Variants in GPC1 observed in about 807,000 individuals in gnomAD.
GPC1 encodes glypican 1.
In GPC1, 26 loss-of-function variants were observed where a neutral mutation model predicts 51.5. That is an observed-to-expected ratio of 0.50 (90% CI 0.37 to 0.70). The LOEUF (loss-of-function observed/expected upper bound fraction) is 0.70, where lower values mean the gene tolerates loss of function less well. Among genes scored for constraint, GPC1 ranks in the 30% least tolerant of loss-of-function variants. The pLI is 0.00. For missense variants in GPC1, 775 were observed against 800.5 expected (o/e 0.97, Z 0.38); for synonymous variants, 380 against 348.3 (o/e 1.09, Z -1.01).
At chr2:240,453,524 G>A (rs1203382901) in intron 1 of GPC1, among the ~76,000 whole-genome samples, 2 of 117,402 alleles carry the variant, frequency 1.7e-5, no homozygotes, top group African/African-American at 3.2e-5. Context: ...TCCCCGGGCC[G>A]TCGCAGCCCT....
At position 240,435,982 on chromosome 2, in the gene GPC1, C is replaced by A; in HGVS notation, c.64C>A (p.Arg22Ser). 2 of 1,365,822 alleles carry A rather than the reference C, an allele frequency of 1.5e-6. No homozygotes were observed. The highest frequency in any genetic ancestry group is 1.9e-6 in the Non-Finnish European group (2 of 1,056,120). The allele number at this position is 1,365,822 out of a possible 1,614,324, so 84.6% of individuals were successfully genotyped here. A position where few individuals can be genotyped will look rare whatever the true frequency, so the allele number is the denominator to read the frequency against. ...GGCCGCAGCGCTGGTCGCCTGCGCC[C>A]GCGGGGACCCGGCCAGCAAGAGCCG... The part of the protein sequence containing the change: ...CAAAALVACA[R>S]GDPASKSRSC... Residue 22 changes from arginine to serine, a missense_variant, in exon 1 of 9, where the codon CGC becomes AGC. Arg to Ser is a moderately radical substitution (Grantham distance 110). Coordinates refer to ENST00000264039, the MANE Select transcript of GPC1 (RefSeq NM_002081.3).
chr2:240,452,227 C>CT (rs1423750167), intron 1 of GPC1: 4 of 152,678 alleles, frequency 2.6e-5, no homozygotes, highest in Non-Finnish European at 4.4e-5. Flanking sequence ...CAGCATAGAC[C>CT]TCCCAGGCTG....
intron 1 of GPC1, among the ~76,000 whole-genome samples, chr2:240,437,477 G>A (rs1374746815): frequency 6.6e-6 from 1 of 152,172 alleles, no homozygotes; most frequent in Non-Finnish European, 1.5e-5. Flanking sequence ...GTTCTTGCAA[G>A]GACCCCTCCA....
intron 2 of GPC1, among the ~76,000 whole-genome samples, chr2:240,459,761 C>T (rs749205909): frequency 4.1e-4 from 63 of 152,194 alleles, no homozygotes; most frequent in Non-Finnish European, 8.1e-4. Context: ...GCATTAGAGC[C>T]ACGTACTCCT....
intron 3 of GPC1, 127 bp downstream of exon 3, chr2:240,462,709 C>T (rs1455369711): frequency 1.1e-5 from 9 of 809,024 alleles, no homozygotes; most frequent in East Asian, 2.7e-5. Context: ...GACCTCAGCC[C>T]CACAGCCTCA....
chr2:240,449,730 C>G (rs918968883), intron 1 of GPC1: 4 of 428,314 alleles, frequency 9.3e-6, no homozygotes, highest in Non-Finnish European at 1.9e-5. Flanking sequence ...TCCACCGCCC[C>G]TGGTGCCCGC....
intron 8 of GPC1, 147 bp downstream of exon 8, chr2:240,465,795 C>A: frequency 1.4e-6 from 1 of 728,056 alleles, no homozygotes; most frequent in Non-Finnish European, 2.2e-6. Context: ...GCTGCCCAGG[C>A]ACGATCACCG....
At position 240,444,825 on chromosome 2, in the gene GPC1, G is replaced by A. The variant is rs1226231847; in HGVS notation, c.166+8741G>A. ...CCTGTGGCTGTCTGATCCCATCCCT[G>A]TGGTAACCCATGTGTGACGTCCAAG... On this transcript the variant is annotated intron_variant, in intron 1 of 8. Coordinates refer to ENST00000264039, the MANE Select transcript of GPC1 (RefSeq NM_002081.3). Among the ~76,000 whole-genome samples, 5 of 152,302 alleles carry A rather than the reference G, an allele frequency of 3.3e-5. No homozygotes were observed. The East Asian group carries it at 9.7e-4, about 29-fold the overall frequency.
Position 240,436,071 on chromosome 2 carries a change from G to A in GPC1, c.153G>A (p.Gln51=), listed in dbSNP as rs770213911. ...AKGFSLSDVP[Q]AEISGEHLRI... is the part of the protein sequence containing the mutation. ...GCTTCAGCCTGAGCGACGTGCCCCAGGCGGAGATCTCGGGTGAGTGAGGGC... is the reference window on the plus strand; with the variant it reads ...GCTTCAGCCTGAGCGACGTGCCCCAAGCGGAGATCTCGGGTGAGTGAGGGC... The change falls in exon 1 of 9, where the codon CAG becomes CAA. Residue 51 remains glutamine (Q), a synonymous_variant. Coordinates refer to ENST00000264039, the MANE Select transcript of GPC1 (RefSeq NM_002081.3). The A allele has an allele frequency of 1.5e-6, 2 of 1,314,270 alleles. No homozygotes were observed. Among genetic ancestry groups the A allele is most frequent in the Non-Finnish European group, 1.9e-6 (2 of 1,030,182 alleles). The allele number at this position is 1,314,270 out of a possible 1,614,324, so 81.4% of individuals were successfully genotyped here.
chr2:240,448,026 G>A lies in GPC1; in HGVS notation c.167-11004G>A, dbSNP rs938916024. On this transcript the variant is annotated intron_variant, in intron 1 of 8. Transcript: ENST00000264039. The surrounding 1 kb of genome is among the most constrained non-coding windows in gnomAD (Gnocchi z 4.5). ...AGAAGAGTTGCTGCCAGGCCATTCT[G>A]GGTGGAACACAGTGTCCCCAGGGCA... is the stretch of plus-strand genomic sequence containing the variant. Among the ~76,000 whole-genome samples the A allele has an allele frequency of 2.0e-5, 3 of 152,212 alleles. No homozygotes were observed. Among genetic ancestry groups the A allele is most frequent in the Admixed American group, 1.3e-4 (2 of 15,288 alleles).
rs1281355244 is a variant in GPC1 at position 240,462,199 on chromosome 2, C to G, written c.334C>G (p.Gln112Glu). Residue 112 changes from glutamine (Q) to glutamate (E), a missense_variant, in exon 3 of 9, where the codon CAG (glutamine) becomes GAG (glutamate). Physicochemically the swap from Gln to Glu is conservative, Grantham distance 29 (BLOSUM62 2). Coordinates refer to ENST00000264039, the MANE Select transcript of GPC1 (RefSeq NM_002081.3). ...TQLRSFDDHFQHLLNDSERTL... is the reference protein window; with the variant it reads ...TQLRSFDDHFEHLLNDSERTL... The stretch of plus-strand genomic sequence containing the variant: ...CCCCTCCCTGTGCGCAGACCACTTC[C>G]AGCACCTGCTGAACGACTCGGAGCG... 4 of 1,594,204 alleles carry G rather than the reference C, an allele frequency of 2.5e-6. No homozygotes were observed. Among genetic ancestry groups the G allele is most frequent in the South Asian group, 1.1e-5 (1 of 89,074 alleles).
chr2:240,463,307 C>T (rs1180537132), intron 3 of GPC1, 40 bp from the exon 4 acceptor site: 1 of 1,594,102 alleles, frequency 6.3e-7, no homozygotes, highest in Non-Finnish European at 8.6e-7. Flanking sequence ...CAGGCACCCC[C>T]AGGGCCTCGG....
chr2:240,442,686 G>A (rs2151786178), intron 1 of GPC1, among the ~76,000 whole-genome samples: 1 of 152,364 alleles, frequency 6.6e-6, no homozygotes, highest in East Asian at 1.9e-4. Flanking sequence ...ATCGGGGTTA[G>A]GCCTCAGCCA....
chr2:240,442,129 G>A (rs1328313927), intron 1 of GPC1, among the ~76,000 whole-genome samples: 6 of 152,220 alleles, frequency 3.9e-5, no homozygotes, highest in Admixed American at 2.0e-4. Flanking sequence ...CTCCCTCCAC[G>A]GTGTCCTCCC....
At chr2:240,456,568 C>T (rs1232982409) in intron 1 of GPC1, 6 of 468,370 alleles carry the variant, frequency 1.3e-5, no homozygotes, top group East Asian at 7.0e-5. Context: ...CCCCCAGGCA[C>T]GTTTCCCTCC....
chr2:240,446,068 C>T (rs1486737186), intron 1 of GPC1, among the ~76,000 whole-genome samples: 5 of 152,250 alleles, frequency 3.3e-5, no homozygotes, highest in Non-Finnish European at 7.3e-5. Flanking sequence ...ACGGGGCCCA[C>T]GGCACAGAGA....
chr2:240,456,638 G>A (rs545878717), intron 1 of GPC1: 91 of 470,750 alleles, frequency 1.9e-4, no homozygotes, highest in Non-Finnish European at 3.5e-4. Flanking sequence ...GGTCTGGGCA[G>A]CCTGGATGGG....
chr2:240,464,406 C>T (rs1019852491), intron 4 of GPC1: 10 of 584,824 alleles, frequency 1.7e-5, no homozygotes, highest in Non-Finnish European at 2.8e-5. Context: ...GCCCGTGGCA[C>T]AGGTGCACAC....
intron 1 of GPC1, chr2:240,452,464 A>C (rs1574765177): frequency 6.6e-6 from 1 of 152,168 alleles, no homozygotes; most frequent in African/African-American, 2.4e-5. Flanking sequence ...GAAACCCGAC[A>C]CCCCGCCCCC....
Sources: allele counts gnomAD v4.1 joint callset (sites outside exome capture counted in the v4.1 genomes callset), GRCh38; gene constraint gnomAD v4.1.1; non-coding constraint Gnocchi (gnomAD v3.1); transcripts MANE v1.5; gene names NCBI Gene and HGNC (gene_info 2026-07-23, HGNC 2026-07-21).